The following MED12L variants were observed in gnomAD, a reference collection of about 807,000 sequenced individuals.
MED12L encodes the protein mediator complex subunit 12L.
MED12L carries 60 observed loss-of-function variants against 281.3 expected under a neutral mutation model. The ratio of observed to expected loss-of-function variants is 0.21; its 90% CI spans 0.17 to 0.26. The LOEUF (loss-of-function observed/expected upper bound fraction) is 0.26, where lower values mean the gene tolerates loss of function less well. Ranked by LOEUF, MED12L falls within the 10% of genes least tolerant of loss-of-function variation. The pLI, the probability that MED12L is intolerant of heterozygous loss-of-function variation, is 1.00. For missense variants in MED12L, 2,146 were observed against 2,680.9 expected (o/e 0.80, Z 4.41); for synonymous variants, 974 against 987.2 (o/e 0.99, Z 0.25).
chr3:151,426,269 G>GGGA (rs1198407768), intron 43 of MED12L, among the ~76,000 whole-genome samples: 1 of 152,116 alleles, frequency 6.6e-6, no homozygotes, highest in Non-Finnish European at 1.5e-5. Flanking sequence ...GAGGAGTCCC[G>GGGA]GGAGGATAAT....
rs894354831 is a variant in MED12L, at chr3:151,354,004, A to G, written c.2399-1117A>G. 7.2e-5 allele frequency among the ~76,000 whole-genome samples: 8 copies of G among 110,766 alleles called. No individual in the cohort carries two copies. In the South Asian group the frequency reaches 2.2e-3, roughly 30 times the overall value. 72.7% of individuals were successfully genotyped at this position (110,766 alleles called of 152,430 possible). A position where few individuals can be genotyped will look rare whatever the true frequency, so the allele number is the denominator to read the frequency against. On this transcript the variant is annotated intron_variant, in intron 17 of 44. Transcript: ENST00000687756. ...AAAATACAAAAAATTAGCCGGGCGT[A>G]GTGGCGGGCGCCTGTAGTCCCAGCT...
At chr3:151,199,334 G>A in intron 16 of MED12L, 2 of 1,613,076 alleles carry the variant, frequency 1.2e-6, no homozygotes, top group Middle Eastern at 1.7e-4. Flanking sequence ...AAAAAAATAC[G>A]TGAATGGCTC....
intron 16 of MED12L, among the ~76,000 whole-genome samples, chr3:151,206,642 CTTTTTTT>C (rs747558778): frequency 4.3e-5 from 3 of 70,318 alleles, no homozygotes; most frequent in African/African-American, 6.0e-5. Context: ...AACACATTAT[CTTTTTTT>C]TTTTTTTTTT....
At chr3:151,394,076 CTTGT>C (rs888766789) in intron 38 of MED12L, among the ~76,000 whole-genome samples, 1 of 151,926 alleles carries the variant, frequency 6.6e-6, no homozygotes, top group African/African-American at 2.4e-5. Context: ...ATAATAGTTG[CTTGT>C]TTATTTGATT....
intron 16 of MED12L, among the ~76,000 whole-genome samples, chr3:151,202,676 A>G (rs1725793959): frequency 6.6e-6 from 1 of 152,222 alleles, no homozygotes; most frequent in Non-Finnish European, 1.5e-5. Flanking sequence ...CAAAAACAAA[A>G]CAAAACAAAA....
chr3:151,332,703 G>A (rs1750487068), intron 16 of MED12L, among the ~76,000 whole-genome samples: 1 of 151,756 alleles, frequency 6.6e-6, no homozygotes, highest in African/African-American at 2.4e-5. Flanking sequence ...TTGGATTTTT[G>A]TTTCATTCCA....
intron 2 of MED12L, among the ~76,000 whole-genome samples, chr3:151,110,031 G>A (rs1711629945): frequency 6.6e-6 from 1 of 152,170 alleles, no homozygotes; most frequent in African/African-American, 2.4e-5. Flanking sequence ...TAGTGAACAA[G>A]CTTAAATCTC....
At chr3:151,126,010 A>G (rs1040495456) in intron 4 of MED12L, among the ~76,000 whole-genome samples, 2 of 150,246 alleles carry the variant, frequency 1.3e-5, no homozygotes, top group South Asian at 2.1e-4. Flanking sequence ...AGTCTCTTCA[A>G]TTGCCCATAA....
intron 16 of MED12L, among the ~76,000 whole-genome samples, chr3:151,229,035 A>G (rs532501077): frequency 6.6e-6 from 1 of 152,364 alleles, no homozygotes; most frequent in South Asian, 2.1e-4. Flanking sequence ...ACAAATTTCC[A>G]TGTGTGAGAA....
intron 2 of MED12L, among the ~76,000 whole-genome samples, chr3:151,103,240 A>AT (rs1471240630): frequency 5.9e-5 from 9 of 152,006 alleles, no homozygotes; most frequent in African/African-American, 1.5e-4. Context: ...AGTTTCCTAG[A>AT]TTTTTTTTCT....
chr3:151,282,407 T>G (rs759913336), intron 16 of MED12L, among the ~76,000 whole-genome samples: 1 of 151,958 alleles, frequency 6.6e-6, no homozygotes, highest in Non-Finnish European at 1.5e-5. Flanking sequence ...TTTATAATTG[T>G]GTGTGTGTGT....
At chr3:151,285,209 A>G (rs1289323105) in intron 16 of MED12L, among the ~76,000 whole-genome samples, 2 of 152,076 alleles carry the variant, frequency 1.3e-5, no homozygotes, top group Non-Finnish European at 2.9e-5. Context: ...GACTGGCCGG[A>G]CGTGGTGGCT....
chr3:151,417,008 C>CT (rs1031486846), intron 43 of MED12L, among the ~76,000 whole-genome samples: 4 of 151,990 alleles, frequency 2.6e-5, no homozygotes, highest in African/African-American at 9.7e-5. Context: ...TCATTAATTA[C>CT]TTTTTTTTAA....
At chr3:151,094,997 G>A (rs1260417295) in intron 2 of MED12L, among the ~76,000 whole-genome samples, 2 of 152,224 alleles carry the variant, frequency 1.3e-5, no homozygotes, top group Non-Finnish European at 2.9e-5. Context: ...TAGGGCTGGA[G>A]TTAGGACTGT....
intron 16 of MED12L, among the ~76,000 whole-genome samples, chr3:151,252,548 A>G (rs1194743387): frequency 6.6e-6 from 1 of 152,204 alleles, no homozygotes; most frequent in African/African-American, 2.4e-5. Flanking sequence ...ATAAAAGTAA[A>G]GATGTGTTGC....
intron 16 of MED12L, among the ~76,000 whole-genome samples, chr3:151,314,978 C>A (rs1284467434): frequency 1.3e-5 from 2 of 152,128 alleles, no homozygotes; most frequent in African/African-American, 2.4e-5. Flanking sequence ...CAAACTACTG[C>A]CTCTTGCCTG....
intron 16 of MED12L, among the ~76,000 whole-genome samples, chr3:151,346,345 G>C (rs903425056): frequency 3.9e-5 from 6 of 152,120 alleles, no homozygotes; most frequent in African/African-American, 1.4e-4. Flanking sequence ...TGAAACAAGA[G>C]TCTTTTGATG....
Position 151,388,113 on chromosome 3 carries a change from G to C in MED12L, c.5392G>C (p.Asp1798His). ...GTCAGATCAGGGAAAAACCACAACA[G>C]ATGAAGAAAAGAAAACAAAAGGAAG... ...ELSDQGKTTT[D>H]EEKKTKGRKR... The change falls in exon 37 of 45, where the codon GAT becomes CAT. Residue 1798 changes from aspartate to histidine, a missense_variant. Asp to His is a moderately conservative substitution (Grantham distance 81). Transcript: ENST00000687756. 6.2e-7 allele frequency: 1 copy of C among 1,612,364 alleles called. No individual in the cohort carries two copies. Among genetic ancestry groups the C allele is most frequent in the Non-Finnish European group, 8.5e-7 (1 of 1,179,760 alleles).
chr3:151,436,430 C>A lies in MED12L; in HGVS notation c.*3626C>A. On this transcript the variant is annotated 3_prime_UTR_variant, in exon 45 of 45. Transcript: ENST00000687756. ...AGCCATTTGTTATTTTATAGTGAAC[C>A]GTTTCAATGTTTGTTTATTGTTATT... 1 of 311,744 alleles carries A rather than the reference C, an allele frequency of 3.2e-6. No individual in the cohort carries two copies. Among genetic ancestry groups the A allele is most frequent in the Non-Finnish European group, 5.9e-6 (1 of 170,344 alleles). The allele number at this position is 311,744 out of a possible 1,614,324, so 19.3% of individuals were successfully genotyped here. A position where few individuals can be genotyped will look rare whatever the true frequency, so the allele number is the denominator to read the frequency against.
Sources: allele counts gnomAD v4.1 joint callset (sites outside exome capture counted in the v4.1 genomes callset), GRCh38; gene constraint gnomAD v4.1.1; transcripts MANE v1.5; gene names NCBI Gene and HGNC (gene_info 2026-07-23, HGNC 2026-07-21).